The following PTPRG variants were observed in gnomAD, a reference collection of about 807,000 sequenced individuals.
The protein encoded by PTPRG is protein tyrosine phosphatase receptor type G, also known as receptor-type tyrosine-protein phosphatase gamma.
A neutral mutation model predicts 165.3 loss-of-function variants in PTPRG; 102 were observed. That is an observed-to-expected ratio of 0.62 (90% CI 0.53 to 0.73). The LOEUF is 0.73. Among genes scored for constraint, PTPRG ranks in the 30% least tolerant of loss-of-function variants. The pLI is 0.00. For missense variants in PTPRG, 1,866 were observed against 1,861.4 expected (o/e 1.00, Z -0.05); for synonymous variants, 675 against 669.5 (o/e 1.01, Z -0.13).
intron 12 of PTPRG, among the ~76,000 whole-genome samples, chr3:62,215,808 C>T (rs933245487): frequency 2.0e-5 from 3 of 152,128 alleles, no homozygotes; most frequent in African/African-American, 4.8e-5. Flanking sequence ...CAGAGATGCC[C>T]CTGTGGCTTG....
intron 4 of PTPRG, among the ~76,000 whole-genome samples, chr3:62,041,361 T>C (rs1559762284): frequency 6.6e-6 from 1 of 152,164 alleles, no homozygotes; most frequent in Non-Finnish European, 1.5e-5. Context: ...AATACTGGCA[T>C]CTTTTTTCAT....
chr3:61,598,560 A>G (rs911228400), intron 1 of PTPRG, among the ~76,000 whole-genome samples: 2 of 152,202 alleles, frequency 1.3e-5, no homozygotes, highest in Non-Finnish European at 1.5e-5. Flanking sequence ...GACTCCGCTT[A>G]GAGTCGGGGA....
chr3:62,208,734 C>T (rs942424062), intron 12 of PTPRG, among the ~76,000 whole-genome samples: 4 of 152,300 alleles, frequency 2.6e-5, no homozygotes, highest in South Asian at 2.1e-4. Flanking sequence ...AACCATGAGG[C>T]GCCTCTTTGG....
chr3:61,677,081 C>T (rs1460097489), intron 1 of PTPRG, among the ~76,000 whole-genome samples: 1 of 151,950 alleles, frequency 6.6e-6, no homozygotes, highest in Non-Finnish European at 1.5e-5. Context: ...CCCATCTCTA[C>T]TAAAAATATA....
intron 2 of PTPRG, among the ~76,000 whole-genome samples, chr3:61,940,894 G>T (rs893594746): frequency 6.6e-6 from 1 of 152,042 alleles, no homozygotes. Context: ...TCGATCTCCT[G>T]ACCTCATGAT....
At chr3:62,012,934 C>T (rs1371670010) in intron 4 of PTPRG, among the ~76,000 whole-genome samples, 4 of 152,096 alleles carry the variant, frequency 2.6e-5, no homozygotes, top group East Asian at 1.9e-4. Context: ...CTGGATTGAC[C>T]GCTTCAGTCT....
chr3:61,900,809 C>T (rs541722705), intron 2 of PTPRG, among the ~76,000 whole-genome samples: 28 of 152,078 alleles, frequency 1.8e-4, no homozygotes, highest in Non-Finnish European at 2.9e-4. Context: ...AAAAAAAAAT[C>T]GTAGGTGGCA....
At chr3:61,894,471 C>G (rs2038298571) in intron 2 of PTPRG, among the ~76,000 whole-genome samples, 1 of 151,980 alleles carries the variant, frequency 6.6e-6, no homozygotes, top group South Asian at 2.1e-4. Context: ...GGAAAGAGTT[C>G]ATTAGTAATA....
intron 1 of PTPRG, among the ~76,000 whole-genome samples, chr3:61,676,804 G>C (rs1703249236): frequency 6.6e-6 from 1 of 152,174 alleles, no homozygotes; most frequent in Non-Finnish European, 1.5e-5. Context: ...AGATAGGATA[G>C]AGATTGGGTA....
intron 1 of PTPRG, among the ~76,000 whole-genome samples, chr3:61,617,391 G>T (rs1468477271): frequency 2.0e-5 from 3 of 152,212 alleles, no homozygotes; most frequent in Non-Finnish European, 2.9e-5. Context: ...TGTTCGGCAT[G>T]TGGGTTGCTC....
At chr3:61,624,214 G>A (rs1021747982) in intron 1 of PTPRG, among the ~76,000 whole-genome samples, 1 of 152,060 alleles carries the variant, frequency 6.6e-6, no homozygotes, top group Non-Finnish European at 1.5e-5. Flanking sequence ...TAATAGCTGC[G>A]AACCGGAGCA....
chr3:61,888,573 C>T (rs375980026), intron 2 of PTPRG, among the ~76,000 whole-genome samples: 3 of 152,204 alleles, frequency 2.0e-5, no homozygotes, highest in South Asian at 2.1e-4. Flanking sequence ...CCTTGCGATC[C>T]GCCCGCCTTG....
intron 28 of PTPRG, among the ~76,000 whole-genome samples, chr3:62,284,813 G>GCCATCGATTCTTTCAGTAGACTTTT (rs1165735609): frequency 1.3e-5 from 2 of 152,088 alleles, no homozygotes; most frequent in Non-Finnish European, 2.9e-5. Flanking sequence ...TCTTCTTGGT[G>GCCATCGATTCTTTCAGTAGACTTTT]CCATCGATTC....
intron 5 of PTPRG, among the ~76,000 whole-genome samples, chr3:62,117,841 T>C (rs1479484142): frequency 2.0e-5 from 3 of 152,372 alleles, no homozygotes; most frequent in Non-Finnish European, 4.4e-5. Flanking sequence ...CATCCTAGTA[T>C]AATTGTTGGC....
At chr3:61,898,547 T>C (rs1202300814) in intron 2 of PTPRG, among the ~76,000 whole-genome samples, 1 of 152,218 alleles carries the variant, frequency 6.6e-6, no homozygotes, top group African/African-American at 2.4e-5. Flanking sequence ...ATCAGAATCA[T>C]CTGAGTTCAT....
intron 1 of PTPRG, among the ~76,000 whole-genome samples, chr3:61,738,551 C>CTT (rs1310055558): frequency 2.1e-5 from 3 of 140,296 alleles, no homozygotes; most frequent in African/African-American, 2.6e-5. Flanking sequence ...GATGAATCTG[C>CTT]TTTTTTTTTT....
intron 3 of PTPRG, among the ~76,000 whole-genome samples, chr3:61,993,364 T>G (rs2040943087): frequency 6.6e-6 from 1 of 151,960 alleles, no homozygotes; most frequent in Admixed American, 6.6e-5. Flanking sequence ...ATTACAGGCA[T>G]GCGCCACCAC....
chr3:61,925,012 C>T (rs2039172320), intron 2 of PTPRG, among the ~76,000 whole-genome samples: 1 of 152,156 alleles, frequency 6.6e-6, no homozygotes, highest in Non-Finnish European at 1.5e-5. Flanking sequence ...TTTGTAAGAA[C>T]CCCACAGAAC....
At chr3:62,163,816 A>G (rs1704861655) in intron 7 of PTPRG, among the ~76,000 whole-genome samples, 1 of 152,256 alleles carries the variant, frequency 6.6e-6, no homozygotes, top group African/African-American at 2.4e-5. Flanking sequence ...TCCATTGTAC[A>G]AATAAAGACA....
Sources: gnomAD v4.1 joint callset for allele counts (sites outside exome capture counted in the v4.1 genomes callset) on GRCh38, gnomAD v4.1.1 for gene constraint, MANE v1.5 for transcripts, NCBI Gene and HGNC (gene_info 2026-07-23, HGNC 2026-07-21) for gene names.